MAML3: variants seen among roughly 807,000 people sequenced by gnomAD.
MAML3 encodes the protein mastermind like transcriptional coactivator 3, also known as mastermind-like protein 3.
A neutral mutation model predicts 101.9 loss-of-function variants in MAML3; 27 were observed. That is an observed-to-expected ratio of 0.27 (90% CI 0.20 to 0.37). MAML3 has a LOEUF of 0.37. Among genes scored for constraint, MAML3 ranks in the 10% least tolerant of loss-of-function variants. The pLI, the probability that MAML3 is intolerant of heterozygous loss-of-function variation, is 1.00. For missense variants in MAML3, 1,316 were observed against 1,444.9 expected (o/e 0.91, Z 1.45); for synonymous variants, 501 against 555.9 (o/e 0.90, Z 1.39).
At chr4:139,945,700 AT>A (rs1255203818) in intron 1 of MAML3, among the ~76,000 whole-genome samples, 1 of 152,232 alleles carries the variant, frequency 6.6e-6, no homozygotes, top group African/African-American at 2.4e-5. Context: ...AATTTGTCCA[AT>A]GTGTATTTTT....
At chr4:139,938,274 C>T (rs903994675) in intron 1 of MAML3, among the ~76,000 whole-genome samples, 6 of 152,198 alleles carry the variant, frequency 3.9e-5, no homozygotes, top group South Asian at 2.1e-4. Flanking sequence ...GGGCCTCAAG[C>T]GCACAGAGTA....
intron 1 of MAML3, among the ~76,000 whole-genome samples, chr4:139,935,833 C>T (rs752235157): frequency 1.3e-5 from 2 of 152,118 alleles, no homozygotes; most frequent in Non-Finnish European, 2.9e-5. Context: ...ATAATTATCA[C>T]AAGCTAATTA....
At chr4:139,899,412 A>T (rs776934996) in intron 1 of MAML3, among the ~76,000 whole-genome samples, 11 of 152,224 alleles carry the variant, frequency 7.2e-5, no homozygotes, top group Non-Finnish European at 1.5e-4. Context: ...AAAACATTTT[A>T]GGTTTCTCTG....
chr4:139,871,507 G>T (rs1257249372), intron 2 of MAML3, among the ~76,000 whole-genome samples: 1 of 152,120 alleles, frequency 6.6e-6, no homozygotes, highest in African/African-American at 2.4e-5. Flanking sequence ...ACGCAGTCAG[G>T]TCCTAATTAT....
intron 1 of MAML3, among the ~76,000 whole-genome samples, chr4:139,968,054 A>G (rs1734168966): frequency 6.6e-6 from 1 of 151,804 alleles, no homozygotes; most frequent in South Asian, 2.1e-4. Flanking sequence ...CAAGGCGGGT[A>G]GATTACCTGA....
chr4:139,735,883 C>A lies in MAML3; in HGVS notation c.2080-5216G>T, dbSNP rs1305182103. Among the ~76,000 whole-genome samples, 2 of 151,836 alleles carry A rather than the reference C, an allele frequency of 1.3e-5. No homozygotes were observed. The highest frequency in any genetic ancestry group is 2.4e-5 in the African/African-American group (1 of 41,376). On this transcript the variant is annotated intron_variant, in intron 2 of 4. Transcript: ENST00000509479. The surrounding 1 kb of genome is among the most constrained non-coding windows in gnomAD (Gnocchi z 5.8). ...GGTGCGGCGGCGCTCGGGAGACCCGCGAGGGGCCCTGGAGGTCCTCGGCCC... is the reference window on the plus strand; with the variant it reads ...GGTGCGGCGGCGCTCGGGAGACCCGAGAGGGGCCCTGGAGGTCCTCGGCCC...
At chr4:140,049,622 A>C (rs1200300017) in intron 1 of MAML3, among the ~76,000 whole-genome samples, 1 of 151,960 alleles carries the variant, frequency 6.6e-6, no homozygotes, top group Non-Finnish European at 1.5e-5. Context: ...AAGACTGGAC[A>C]GGAGTTATTT....
intron 2 of MAML3, among the ~76,000 whole-genome samples, chr4:139,749,562 G>T (rs914940670): frequency 1.3e-5 from 2 of 152,162 alleles, no homozygotes; most frequent in African/African-American, 2.4e-5. Flanking sequence ...GGGGTGGGGG[G>T]CGCCGATCAG....
chr4:139,827,720 T>C lies in MAML3; in HGVS notation c.2079+61637A>G, dbSNP rs547033536. Among the ~76,000 whole-genome samples the C allele has an allele frequency of 6.6e-5, 10 of 152,360 alleles. No individual in the cohort carries two copies. In the South Asian group the frequency reaches 2.1e-3, roughly 32 times the overall value. On this transcript the variant is annotated intron_variant, in intron 2 of 4. Transcript: ENST00000509479. ...GAAGTGGAAATATAATGTGCCTATTTCCAAAATGTGGTTATAAATGACTTA... is the reference window on the plus strand; with the variant it reads ...GAAGTGGAAATATAATGTGCCTATTCCCAAAATGTGGTTATAAATGACTTA...
intron 1 of MAML3, among the ~76,000 whole-genome samples, chr4:140,048,118 A>G (rs750566638): frequency 1.3e-5 from 2 of 152,154 alleles, no homozygotes; most frequent in Non-Finnish European, 2.9e-5. Flanking sequence ...GGAGTGGGAG[A>G]CTAATGATCA....
At position 140,024,960 on chromosome 4, in the gene MAML3, A is replaced by G. The variant is rs1465396982; in HGVS notation, c.468+127900T>C. ...TCTCACAGAAGTTAGGATGGGCTAA[A>G]TTAACCATCCTCAACCCCATTACTC... On this transcript the variant is annotated intron_variant, in intron 1 of 4. Transcript: ENST00000509479. Among the ~76,000 whole-genome samples the G allele has an allele frequency of 5.3e-5, 8 of 152,248 alleles. No homozygotes were observed. The East Asian group carries it at 1.2e-3, about 22-fold the overall frequency.
intron 2 of MAML3, among the ~76,000 whole-genome samples, chr4:139,847,643 T>C (rs565505310): frequency 6.6e-6 from 1 of 152,188 alleles, no homozygotes; most frequent in Non-Finnish European, 1.5e-5. Context: ...GTACAGGAGG[T>C]AAAATCTTCA....
In MAML3 at chr4:139,720,210, G is replaced by A. The variant is rs372312963; in HGVS notation, c.2530C>T (p.Pro844Ser). The A allele has an allele frequency of 2.5e-6, 4 of 1,613,790 alleles. No homozygotes were observed. The highest frequency in any genetic ancestry group is 2.5e-6 in the Non-Finnish European group (3 of 1,179,726). The stretch of plus-strand genomic sequence containing the variant: ...GCAGCTGCGGTGGCCATCGTCCCAG[G>A]GTTCTGGGAGGGTCCTATTCCCATC... ...GMMGIGPSQN[P>S]GTMATAAAQS... Residue 844 changes from proline (P) to serine (S), a missense_variant, in exon 5 of 5, where the codon CCT (proline) becomes TCT (serine). Coordinates refer to ENST00000509479, the MANE Select transcript of MAML3 (RefSeq NM_018717.5).
intron 2 of MAML3, among the ~76,000 whole-genome samples, chr4:139,804,369 C>T (rs1409863245): frequency 6.6e-6 from 1 of 151,726 alleles, no homozygotes; most frequent in South Asian, 2.1e-4. Context: ...CGGGTTCAAG[C>T]GATTCTCCTG....
chr4:139,825,114 G>A (rs1424049254), intron 2 of MAML3, among the ~76,000 whole-genome samples: 2 of 152,224 alleles, frequency 1.3e-5, no homozygotes, highest in East Asian at 3.9e-4. Context: ...ATCTAGACGG[G>A]AGGAAGTTGG....
In MAML3 at chr4:139,760,187, A is replaced by T. The variant is rs115964503; in HGVS notation, c.2080-29520T>A. ...GGGGAGTGATAAGGCACTGTCACTG[A>T]TGTAGATGAAGGCAGCAGATACAAT... is the stretch of plus-strand genomic sequence containing the variant. On this transcript the variant is annotated intron_variant, in intron 2 of 4. Coordinates refer to ENST00000509479, the MANE Select transcript of MAML3 (RefSeq NM_018717.5). Among the ~76,000 whole-genome samples the T allele has an allele frequency of 7.6e-3, 1,161 of 152,384 alleles. 14 individuals are homozygous for T. Among genetic ancestry groups the T allele is most frequent in the African/African-American group, 0.027 (1,111 of 41,586 alleles).
chr4:139,956,263 T>C (rs1333932919), intron 1 of MAML3, among the ~76,000 whole-genome samples: 1 of 152,218 alleles, frequency 6.6e-6, no homozygotes, highest in Non-Finnish European at 1.5e-5. Flanking sequence ...AAGTCAACTC[T>C]AGATGTAAAA....
At chr4:139,731,180 T>C (rs1338468092) in intron 2 of MAML3, 1 of 161,986 alleles carries the variant, frequency 6.2e-6, no homozygotes, top group Non-Finnish European at 1.4e-5. Flanking sequence ...TCTAACGAGT[T>C]GCAACATTTG....
intron 2 of MAML3, among the ~76,000 whole-genome samples, chr4:139,772,189 G>A (rs1335079969): frequency 2.9e-4 from 34 of 119,222 alleles, no homozygotes; most frequent in Middle Eastern, 8.2e-3. Context: ...GCAGTGAGCC[G>A]AGATCGCGCC....
Sources: gnomAD v4.1 joint callset for allele counts (sites outside exome capture counted in the v4.1 genomes callset) on GRCh38, gnomAD v4.1.1 for gene constraint, Gnocchi (gnomAD v3.1) non-coding constraint, MANE v1.5 for transcripts, NCBI Gene and HGNC (gene_info 2026-07-23, HGNC 2026-07-21) for gene names.